The following PARP4 variants were observed in gnomAD, a reference collection of about 807,000 sequenced individuals.
PARP4 encodes the protein protein mono-ADP-ribosyltransferase PARP4.
Under a neutral mutation model 187.7 loss-of-function variants are expected in PARP4, and 120 were observed. The observed-to-expected ratio is 0.64, with a 90% CI of 0.55 to 0.74. PARP4 has a LOEUF of 0.74. Among genes scored for constraint, PARP4 ranks in the 30% least tolerant of loss-of-function variants. PARP4 has a pLI of 0.00. For missense variants in PARP4, 1,836 were observed against 2,070.5 expected (o/e 0.89, Z 2.20); for synonymous variants, 654 against 740.9 (o/e 0.88, Z 1.90).
chr13:24,487,470 A>G (rs1232606830), intron 10 of PARP4, among the ~76,000 whole-genome samples: 2 of 152,172 alleles, frequency 1.3e-5, no homozygotes, highest in African/African-American at 4.8e-5. Flanking sequence ...TGTAGACAGG[A>G]TAACAGGATC....
chr13:24,489,984 T>C (rs1330026989), intron 10 of PARP4, among the ~76,000 whole-genome samples: 2 of 152,160 alleles, frequency 1.3e-5, no homozygotes, highest in African/African-American at 4.8e-5. Flanking sequence ...CCACCATTTG[T>C]TCTAAGGGCT....
At chr13:24,482,445 G>A (rs552975318) in intron 12 of PARP4, among the ~76,000 whole-genome samples, 5 of 152,208 alleles carry the variant, frequency 3.3e-5, no homozygotes, top group Non-Finnish European at 7.3e-5. Flanking sequence ...GAAAGGAAGA[G>A]TCAATTGCTG....
At chr13:24,428,109 G>A (rs1239643236) in intron 32 of PARP4, among the ~76,000 whole-genome samples, 4 of 152,150 alleles carry the variant, frequency 2.6e-5, no homozygotes, top group Admixed American at 6.5e-5. Context: ...ACTCTACGTC[G>A]AAGAAGGAAG....
chr13:24,495,914 G>A (rs925208244), intron 6 of PARP4, among the ~76,000 whole-genome samples: 22 of 152,300 alleles, frequency 1.4e-4, no homozygotes, highest in South Asian at 4.1e-4. Context: ...GTGGACTGAG[G>A]CTCACTGCTA....
intron 23 of PARP4, 121 bp from the exon 24 acceptor site, chr13:24,452,714 C>T: frequency 1.4e-6 from 1 of 724,422 alleles, no homozygotes; most frequent in Non-Finnish European, 2.2e-6. Context: ...ATTTTCTTTC[C>T]CTAATTTGTG....
chr13:24,455,124 G>T lies in PARP4; in HGVS notation c.2651C>A (p.Ser884Tyr). The change falls in exon 22 of 34, where the codon TCC becomes TAC. Residue 884 changes from serine (S) to tyrosine (Y), a missense_variant. Coordinates refer to ENST00000381989, the MANE Select transcript of PARP4 (RefSeq NM_006437.4). ...ESEVIICLDC[S>Y]SSMEGVTFLQ... ...GAATGTCACACCCTCCATGGAACTG[G>T]AGCAGTCAAGACAAATAATCACTTC... The T allele has an allele frequency of 6.2e-7, 1 of 1,613,322 alleles. No individual in the cohort carries two copies. The highest frequency in any genetic ancestry group is 8.5e-7 in the Non-Finnish European group (1 of 1,179,382).
chr13:24,450,541 G>A (rs1211501786), intron 24 of PARP4, among the ~76,000 whole-genome samples: 1 of 152,110 alleles, frequency 6.6e-6, no homozygotes, highest in Non-Finnish European at 1.5e-5. Context: ...CCCTAACATG[G>A]GTTATTGGTA....
chr13:24,444,056 T>G (rs1209053511), intron 27 of PARP4, among the ~76,000 whole-genome samples: 1 of 152,276 alleles, frequency 6.6e-6, no homozygotes, highest in Non-Finnish European at 1.5e-5. Flanking sequence ...ATTTAAAAAA[T>G]TGAAAACTTC....
chr13:24,485,256 G>A (rs143880617), intron 11 of PARP4, among the ~76,000 whole-genome samples: 1,642 of 151,710 alleles, frequency 0.011, 39 homozygotes, highest in African/African-American at 0.037. Flanking sequence ...TGTGTTTTTG[G>A]GTTCATTTGT....
chr13:24,476,143 C>CT (rs995508318), intron 14 of PARP4, among the ~76,000 whole-genome samples: 67 of 146,686 alleles, frequency 4.6e-4, no homozygotes, highest in Admixed American at 8.9e-4. Context: ...TTCTTCTTTT[C>CT]TTTTTTTTTT....
intron 15 of PARP4, among the ~76,000 whole-genome samples, chr13:24,471,037 C>T (rs901473756): frequency 6.6e-6 from 1 of 152,164 alleles, no homozygotes. Context: ...AGTTTCTCAG[C>T]GATCTGGGCT....
In PARP4 at chr13:24,484,898, G is replaced by A. The variant is rs188283646; in HGVS notation, c.1353-150C>T. The A allele has an allele frequency of 5.7e-4, 303 of 529,274 alleles. 1 individual carries two copies. In the East Asian group the frequency reaches 5.9e-3, roughly 10 times the overall value. 32.8% of individuals were successfully genotyped at this position (529,274 alleles called of 1,614,324 possible). ...CATGGTTGTTTCCGGAAACACAAGG[G>A]AAATTTCTGCCTTTTATTATATAAA... On this transcript the variant is annotated intron_variant, in intron 11 of 33. Coordinates refer to ENST00000381989, the MANE Select transcript of PARP4 (RefSeq NM_006437.4).
chr13:24,439,612 C>T (rs1256445161), intron 30 of PARP4, among the ~76,000 whole-genome samples: 2 of 152,160 alleles, frequency 1.3e-5, no homozygotes, highest in African/African-American at 4.8e-5. Context: ...TTTAGTGGCA[C>T]GAGGTACATT....
At chr13:24,422,413 C>T (rs1869791032) in intron 33 of PARP4, among the ~76,000 whole-genome samples, 1 of 152,126 alleles carries the variant, frequency 6.6e-6, no homozygotes, top group Non-Finnish European at 1.5e-5. Context: ...CTGATAGTTA[C>T]TAACTGCTGA....
rs991048694 is a variant in PARP4 at position 24,505,903 on chromosome 13, C to T, written c.-1-2126G>A. 6.6e-5 allele frequency among the ~76,000 whole-genome samples: 10 copies of T among 152,236 alleles called. 1 individual carries two copies. Among genetic ancestry groups the T allele is most frequent in the Admixed American group, 2.6e-4 (4 of 15,286 alleles). ...GGCAGGCAGGTCAGGTTCTCTGCCG[C>T]GGCCCACGCGTCTTGGGACTAAGCT... On this transcript the variant is annotated intron_variant, in intron 1 of 33. Transcript: ENST00000381989.
At chr13:24,470,079 C>G (rs1469523277) in intron 15 of PARP4, 54 bp from the exon 16 acceptor site, 4 of 1,516,914 alleles carry the variant, frequency 2.6e-6, no homozygotes, top group African/African-American at 1.4e-5. Flanking sequence ...ACTACATTTG[C>G]AGGAACAAGG....
chr13:24,460,565 C>T (rs1437566401), intron 17 of PARP4, among the ~76,000 whole-genome samples: 1 of 151,792 alleles, frequency 6.6e-6, no homozygotes, highest in Non-Finnish European at 1.5e-5. Flanking sequence ...TGAAGACCCT[C>T]CCTGACCTCC....
At chr13:24,428,363 C>G (rs1222147257) in intron 32 of PARP4, among the ~76,000 whole-genome samples, 2 of 152,222 alleles carry the variant, frequency 1.3e-5, no homozygotes, top group Non-Finnish European at 2.9e-5. Flanking sequence ...CTGCTCTGCT[C>G]AGTCCACCTT....
chr13:24,484,965 T>A (rs1389972573), intron 11 of PARP4, among the ~76,000 whole-genome samples: 1 of 152,268 alleles, frequency 6.6e-6, no homozygotes, highest in African/African-American at 2.4e-5. Flanking sequence ...TGAATGAATT[T>A]TGTAAAATAG....
Sources: allele counts gnomAD v4.1 joint callset (sites outside exome capture counted in the v4.1 genomes callset), GRCh38; gene constraint gnomAD v4.1.1; transcripts MANE v1.5; gene names NCBI Gene and HGNC (gene_info 2026-07-23, HGNC 2026-07-21).